Variants in SIRT1 observed in about 807,000 individuals in gnomAD.
The protein encoded by SIRT1 is sirtuin 1.
SIRT1 carries 24 observed loss-of-function variants against 67.9 expected under a neutral mutation model. The ratio of observed to expected loss-of-function variants is 0.35; its 90% CI spans 0.26 to 0.50. The LOEUF is 0.50. SIRT1 is among the 20% of genes least tolerant of loss of function. The pLI is 0.98. For missense variants in SIRT1, 873 were observed against 937.2 expected, an observed-to-expected ratio of 0.93 and a Z score of 0.89; for synonymous variants, 378 against 350.7, an observed-to-expected ratio of 1.08 and a Z score of -0.87.
intron 1 of SIRT1, chr10:67,885,450 C>T (rs1311798869): frequency 5.0e-5 from 59 of 1,169,372 alleles, no homozygotes; most frequent in Non-Finnish European, 6.1e-5. Flanking sequence ...CCCCCTCTTA[C>T]TCTTTTAGCA....
chr10:67,889,559 T>C (rs906224982), intron 3 of SIRT1, among the ~76,000 whole-genome samples: 9 of 152,214 alleles, frequency 5.9e-5, no homozygotes, highest in South Asian at 4.1e-4. Flanking sequence ...CTTCCCTCCA[T>C]ATTAATTAAG....
chr10:67,892,965 C>T (rs1264421484), intron 4 of SIRT1, among the ~76,000 whole-genome samples: 2 of 152,182 alleles, frequency 1.3e-5, no homozygotes, highest in African/African-American at 2.4e-5. Context: ...CATTATGTAC[C>T]TATTGTACAG....
chr10:67,899,676 C>G lies in SIRT1; in HGVS notation c.943-7114C>G, dbSNP rs1842711525. Among the ~76,000 whole-genome samples the G allele has an allele frequency of 3.9e-5, 6 of 152,248 alleles. No individual in the cohort carries two copies. In the South Asian group the frequency reaches 1.2e-3, roughly 32 times the overall value. On this transcript the variant is annotated intron_variant, in intron 4 of 8. Transcript: ENST00000212015. Reference sequence around the variant, plus strand: ...GATATACCTTATTTTTCAAAGAAGGCTGTGTAGCATTCTATTTTAAAGTTG... The same window carrying G: ...GATATACCTTATTTTTCAAAGAAGGGTGTGTAGCATTCTATTTTAAAGTTG...
chr10:67,902,292 A>G (rs1462331948), intron 4 of SIRT1, among the ~76,000 whole-genome samples: 1 of 152,210 alleles, frequency 6.6e-6, no homozygotes, highest in Non-Finnish European at 1.5e-5. Flanking sequence ...CCCGGCTACA[A>G]TATGTTCTTA....
chr10:67,885,144 G>C lies in SIRT1; in HGVS notation c.423G>C (p.Gly141=). The C allele has an allele frequency of 7.1e-7, 1 of 1,408,652 alleles. No homozygotes were observed. The highest frequency in any genetic ancestry group is 3.0e-5 in the East Asian group (1 of 32,874). 87.3% of individuals were successfully genotyped at this position (1,408,652 alleles called of 1,614,324 possible). A position where few individuals can be genotyped will look rare whatever the true frequency, so the allele number is the denominator to read the frequency against. ...AAGAGGCGGCGGCGGCGGCGATTGGGTACCGAGGTGCGCAGGGTGCGGGCG... is the reference window on the plus strand; with the variant it reads ...AAGAGGCGGCGGCGGCGGCGATTGGCTACCGAGGTGCGCAGGGTGCGGGCG... ...EEEEAAAAAI[G]YRDNLLFGDE... is the part of the protein sequence containing the mutation. Residue 141 remains glycine, a synonymous_variant, in exon 1 of 9, where the codon GGG becomes GGC. Coordinates refer to ENST00000212015, the MANE Select transcript of SIRT1 (RefSeq NM_012238.5).
rs973246866 is a variant in SIRT1, at chr10:67,884,966, A to AGGC, written c.255_257dup (p.Ala86dup). 1.6e-5 allele frequency: 20 copies of AGGC among 1,262,070 alleles called. No individual in the cohort carries two copies. The highest frequency in any genetic ancestry group is 1.2e-4 in the East Asian group (4 of 32,096). The allele number at this position is 1,262,070 out of a possible 1,614,324, so 78.2% of individuals were successfully genotyped here. On this transcript the variant is annotated inframe_insertion, in exon 1 of 9. Coordinates refer to ENST00000212015, the MANE Select transcript of SIRT1 (RefSeq NM_012238.5). ...GCGCTGTGGCGGGAGGCGGAGGCAG[A>AGGC]GGCGGCGGCGGCAGGCGGGGAGCAA...
At chr10:67,903,967 A>G (rs892736227) in intron 4 of SIRT1, among the ~76,000 whole-genome samples, 1 of 152,070 alleles carries the variant, frequency 6.6e-6, no homozygotes, top group African/African-American at 2.4e-5. Flanking sequence ...AGCATGTCAC[A>G]CTTTCACCAT....
intron 8 of SIRT1, among the ~76,000 whole-genome samples, chr10:67,913,516 A>T (rs535034698): frequency 1.3e-5 from 2 of 152,344 alleles, no homozygotes; most frequent in South Asian, 4.1e-4. Flanking sequence ...GTTGTCTCAG[A>T]TGTAGAACAC....
intron 6 of SIRT1, among the ~76,000 whole-genome samples, chr10:67,908,589 A>G (rs546716625): frequency 4.6e-5 from 7 of 152,338 alleles, no homozygotes; most frequent in Admixed American, 4.6e-4. Flanking sequence ...TCATTACGAA[A>G]GAGGAAGAAT....
intron 4 of SIRT1, 137 bp downstream of exon 4, chr10:67,891,691 T>C (rs969991848): frequency 1.2e-6 from 1 of 810,828 alleles, no homozygotes. Context: ...AGATCACTCA[T>C]TATGGCTAGA....
chr10:67,904,842 C>A (rs1842797535), intron 4 of SIRT1, among the ~76,000 whole-genome samples: 1 of 96,758 alleles, frequency 1.0e-5, no homozygotes, highest in Non-Finnish European at 2.7e-5. Context: ...GAAACTCTGT[C>A]TCAAAAAAAA....
chr10:67,891,659 A>G, intron 4 of SIRT1, 105 bp downstream of exon 4: 6 of 1,128,372 alleles, frequency 5.3e-6, no homozygotes, highest in Non-Finnish European at 6.4e-6. Context: ...AGTAAAGTGA[A>G]TGCTGCTACT....
At chr10:67,909,470 A>G in intron 7 of SIRT1, 28 bp downstream of exon 7, 1 of 1,568,052 alleles carries the variant, frequency 6.4e-7, no homozygotes, top group Non-Finnish European at 8.7e-7. Flanking sequence ...TTTGGAGAAC[A>G]TTTCTATATA....
chr10:67,903,680 TC>T (rs1842777962), intron 4 of SIRT1, among the ~76,000 whole-genome samples: 1 of 152,058 alleles, frequency 6.6e-6, no homozygotes, highest in Admixed American at 6.6e-5. Context: ...AGCCACCACA[TC>T]CGGCCAATTT....
At position 67,885,441 on chromosome 10, in the gene SIRT1, C is replaced by T. The variant is rs546454076; in HGVS notation, c.430+290C>T. ...AGTCGCTTTAAAATAAGTTTCTCTC[C>T]CCCTCTTACTCTTTTAGCATATTGC... On this transcript the variant is annotated intron_variant, in intron 1 of 8. Coordinates refer to ENST00000212015, the MANE Select transcript of SIRT1 (RefSeq NM_012238.5). 57 of 1,189,508 alleles carry T rather than the reference C, an allele frequency of 4.8e-5. No homozygotes were observed. In the South Asian group the frequency reaches 7.4e-4, roughly 15 times the overall value. 73.7% of individuals were successfully genotyped at this position (1,189,508 alleles called of 1,614,324 possible).
chr10:67,893,337 C>T (rs1414803470), intron 4 of SIRT1, among the ~76,000 whole-genome samples: 1 of 152,064 alleles, frequency 6.6e-6, no homozygotes, highest in African/African-American at 2.4e-5. Context: ...GTGGTGTTCC[C>T]CACCCTGTGT....
rs766514231 is a variant in SIRT1, at chr10:67,885,366, G to C, written c.430+215G>C. 2.4e-6 allele frequency: 3 copies of C among 1,232,824 alleles called. No individual in the cohort carries two copies. The African/African-American group carries it at 4.7e-5, about 19-fold the overall frequency. The allele number at this position is 1,232,824 out of a possible 1,614,324, so 76.4% of individuals were successfully genotyped here. On this transcript the variant is annotated intron_variant, in intron 1 of 8. Coordinates refer to ENST00000212015, the MANE Select transcript of SIRT1 (RefSeq NM_012238.5). ...CGCTCTTTTCCTCCGTCCGTGGCCC[G>C]CCTGGGCGGCCTTGTTCTTTCCGCA...
chr10:67,889,879 A>C (rs1307391486), intron 3 of SIRT1, among the ~76,000 whole-genome samples: 1 of 152,220 alleles, frequency 6.6e-6, no homozygotes, highest in Non-Finnish European at 1.5e-5. Flanking sequence ...AGATGATGAA[A>C]CAATAACTTC....
chr10:67,887,590 T>G, intron 2 of SIRT1, 57 bp downstream of exon 2: 1 of 1,214,430 alleles, frequency 8.2e-7, no homozygotes, highest in South Asian at 1.2e-5. Flanking sequence ...GGTTTGTTTG[T>G]TTTGAGACAG....
Sources: gnomAD v4.1 joint callset for allele counts (sites outside exome capture counted in the v4.1 genomes callset) on GRCh38, gnomAD v4.1.1 for gene constraint, MANE v1.5 for transcripts, NCBI Gene and HGNC (gene_info 2026-07-23, HGNC 2026-07-21) for gene names.